SYAP1: variants seen among roughly 807,000 people sequenced by gnomAD.
The protein encoded by SYAP1 is synapse-associated protein 1.
In SYAP1, 3 loss-of-function variants were observed where a neutral mutation model predicts 29.6. The observed-to-expected ratio is 0.10, with a 90% CI of 0.05 to 0.26. SYAP1 has a LOEUF of 0.26. Ranked by LOEUF, SYAP1 falls within the 10% of genes least tolerant of loss-of-function variation. SYAP1 has a pLI of 1.00. For missense variants in SYAP1, 217 were observed against 264.1 expected (o/e 0.82, Z 1.24); for synonymous variants, 102 against 102.7 (o/e 0.99, Z 0.04).
chrX:16,745,006 C>T (rs1443640158), intron 5 of SYAP1, among the ~76,000 whole-genome samples: 1 of 112,010 alleles, frequency 8.9e-6, no homozygotes, highest in Non-Finnish European at 1.9e-5. Context: ...TGTTTCCTCC[C>T]TCGGGACTCT....
chrX:16,748,798 A>G lies in SYAP1; in HGVS notation c.575+4958A>G, dbSNP rs1307337249. On this transcript the variant is annotated intron_variant, in intron 5 of 8. Coordinates refer to ENST00000380155, the MANE Select transcript of SYAP1 (RefSeq NM_032796.4). ...GAGACAGAGTCTCGCTCTGTCACTC[A>G]GGCTGGAATGTAGTGGTGCGATCTC... 4.8e-5 allele frequency among the ~76,000 whole-genome samples: 5 copies of G among 103,852 alleles called. No homozygotes were observed. In the East Asian group the frequency reaches 8.9e-4, roughly 19 times the overall value. 90.2% of individuals were successfully genotyped at this position (103,852 alleles called of 115,157 possible).
At chrX:16,748,749 CT>C (rs375011570) in intron 5 of SYAP1, among the ~76,000 whole-genome samples, 1,826 of 95,275 alleles carry the variant, frequency 0.019, 46 homozygotes, top group African/African-American at 0.067. Context: ...TAATTTTTTT[CT>C]TTTTTTTTTC....
At chrX:16,734,198 G>T (rs753291744) in intron 1 of SYAP1, among the ~76,000 whole-genome samples, 6 of 109,095 alleles carry the variant, frequency 5.5e-5, no homozygotes, top group Non-Finnish European at 9.5e-5. Flanking sequence ...GGCCAACATG[G>T]TGAAATCCCA....
At chrX:16,739,945 C>T (rs1415032090) in intron 3 of SYAP1, among the ~76,000 whole-genome samples, 3 of 111,344 alleles carry the variant, frequency 2.7e-5, no homozygotes, top group Non-Finnish European at 5.7e-5. Context: ...TAAGGGCCCC[C>T]TGCCTGTGTG....
chrX:16,724,877 G>C (rs1233895218), intron 1 of SYAP1, among the ~76,000 whole-genome samples: 2 of 112,220 alleles, frequency 1.8e-5, no homozygotes, highest in Non-Finnish European at 3.8e-5. Context: ...CCTGACAGAG[G>C]TAGTGCCATT....
intron 5 of SYAP1, among the ~76,000 whole-genome samples, chrX:16,751,757 C>CA (rs1166482576): frequency 1.9e-5 from 2 of 103,650 alleles, no homozygotes; most frequent in African/African-American, 7.0e-5. Flanking sequence ...TGGCTCACTG[C>CA]AACCTCCGCC....
chrX:16,737,512 G>A (rs1471276886), intron 3 of SYAP1, among the ~76,000 whole-genome samples: 1 of 112,225 alleles, frequency 8.9e-6, no homozygotes, highest in African/African-American at 3.2e-5. Flanking sequence ...GACAAGTGAG[G>A]TATACAAGTT....
At chrX:16,746,872 G>T (rs1433099194) in intron 5 of SYAP1, among the ~76,000 whole-genome samples, 2 of 112,288 alleles carry the variant, frequency 1.8e-5, no homozygotes, top group Non-Finnish European at 3.8e-5. Flanking sequence ...ACAGGCCACC[G>T]CACCCAGCCT....
intron 5 of SYAP1, among the ~76,000 whole-genome samples, chrX:16,749,347 C>T (rs913735158): frequency 8.1e-5 from 9 of 111,183 alleles, no homozygotes; most frequent in African/African-American, 2.9e-4. Context: ...GAGCCACTAC[C>T]GTGCCCAGCC....
chrX:16,757,974 T>C (rs1569253407), intron 8 of SYAP1, among the ~76,000 whole-genome samples: 2 of 111,191 alleles, frequency 1.8e-5, no homozygotes, highest in African/African-American at 3.3e-5. Flanking sequence ...GACATGTACA[T>C]GGAAGATTCT....
At chrX:16,721,470 T>C (rs1925958728) in intron 1 of SYAP1, among the ~76,000 whole-genome samples, 2 of 111,146 alleles carry the variant, frequency 1.8e-5, no homozygotes, top group Admixed American at 9.6e-5. Context: ...AAAAGTTTAC[T>C]GTGGGATGAA....
At chrX:16,744,705 A>G (rs1926556240) in intron 5 of SYAP1, among the ~76,000 whole-genome samples, 1 of 102,623 alleles carries the variant, frequency 9.7e-6, no homozygotes, top group Non-Finnish European at 2.0e-5. Flanking sequence ...GGTGGTGTGC[A>G]CCTTTAGTCC....
At chrX:16,723,373 A>T (rs1181754292) in intron 1 of SYAP1, among the ~76,000 whole-genome samples, 1 of 112,304 alleles carries the variant, frequency 8.9e-6, no homozygotes, top group African/African-American at 3.2e-5. Flanking sequence ...CTCGATTTGA[A>T]GAAGAAACTT....
At chrX:16,752,629 T>G (rs1293182695) in intron 5 of SYAP1, among the ~76,000 whole-genome samples, 1 of 110,110 alleles carries the variant, frequency 9.1e-6, no homozygotes, top group Non-Finnish European at 1.9e-5. Flanking sequence ...CCCAATAATG[T>G]CCTTTTTAGC....
chrX:16,720,837 A>G (rs1925942378), intron 1 of SYAP1, among the ~76,000 whole-genome samples: 1 of 110,157 alleles, frequency 9.1e-6, no homozygotes, highest in South Asian at 3.9e-4. Context: ...ACACGATGTA[A>G]CCCCGTCTCT....
Position 16,724,436 on chromosome X carries a change from C to G in SYAP1, c.175+4537C>G, listed in dbSNP as rs374002223. 1.9e-4 allele frequency among the ~76,000 whole-genome samples: 21 copies of G among 111,861 alleles called. No individual in the cohort carries two copies. The East Asian group carries it at 5.6e-3, about 30-fold the overall frequency. On this transcript the variant is annotated intron_variant, in intron 1 of 8. Transcript: ENST00000380155. The stretch of plus-strand genomic sequence containing the variant: ...CAGTTTAAGAAATGGTGGGAGCCCT[C>G]CCGAAATCTAAGTTCCCGGACACCC...
intron 5 of SYAP1, among the ~76,000 whole-genome samples, chrX:16,751,973 GC>G (rs1221375894): frequency 1.1e-5 from 1 of 88,592 alleles, no homozygotes; most frequent in African/African-American, 5.1e-5. Flanking sequence ...ACTGCACCCG[GC>G]CTTTTTTTTT....
rs144175479 is a variant in SYAP1 at position 16,742,143 on chromosome X, G to GTTTTTTTTTTTTTTTT, written c.435+365_435+380dup. Among the ~76,000 whole-genome samples the GTTTTTTTTTTTTTTTT allele has an allele frequency of 1.5e-3, 64 of 41,863 alleles. 7 individuals carry two copies. The highest frequency in any genetic ancestry group is 8.2e-3 in the African/African-American group (62 of 7,531). 36.4% of individuals were successfully genotyped at this position (41,863 alleles called of 115,157 possible). On this transcript the variant is annotated intron_variant, in intron 4 of 8. Transcript: ENST00000380155. The stretch of plus-strand genomic sequence containing the variant: ...ACCATGCCCAGCTAATTTTTGTGTG[G>GTTTTTTTTTTTTTTTT]TTTTTTTTTTTTTTTTTTTTTTTTT...
At chrX:16,739,476 C>CTTTTTTT (rs760754281) in intron 3 of SYAP1, among the ~76,000 whole-genome samples, 1 of 81,522 alleles carries the variant, frequency 1.2e-5, no homozygotes, top group Non-Finnish European at 2.3e-5. Flanking sequence ...CTCTCTCTCT[C>CTTTTTTT]TTTTTTTTTT....
Sources: gnomAD v4.1 joint callset for allele counts (sites outside exome capture counted in the v4.1 genomes callset) on GRCh38, gnomAD v4.1.1 for gene constraint, MANE v1.5 for transcripts, NCBI Gene and HGNC (gene_info 2026-07-23, HGNC 2026-07-21) for gene names.